RHBDF1: variants seen among roughly 807,000 people sequenced by gnomAD.
RHBDF1 encodes rhomboid 5 homolog 1, also known as inactive rhomboid protein 1.
A neutral mutation model predicts 98.6 loss-of-function variants in RHBDF1; 80 were observed. The ratio of observed to expected loss-of-function variants is 0.81; its 90% CI spans 0.68 to 0.98. RHBDF1 has a LOEUF of 0.98. Ranked by LOEUF, RHBDF1 falls within the 50% of genes least tolerant of loss-of-function variation. RHBDF1 has a pLI of 0.00. For synonymous variants in RHBDF1, 512 were observed against 486.8 expected, an observed-to-expected ratio of 1.05 and a Z score of -0.68; for missense variants, 1,116 against 1,198.3, an observed-to-expected ratio of 0.93 and a Z score of 1.01.
In RHBDF1 at chr16:58,595, G is replaced by A. The variant is rs1228557232; in HGVS notation, c.2313C>T (p.Ala771=). 1.9e-6 allele frequency: 3 copies of A among 1,613,788 alleles called. No individual in the cohort carries two copies. Among genetic ancestry groups the A allele is most frequent in the Non-Finnish European group, 2.5e-6 (3 of 1,179,986 alleles). Residue 771 remains alanine (A), a synonymous_variant, in exon 18 of 18, where the codon GCC becomes GCT. Transcript: ENST00000262316. ...GGCCACTGATGAACCCTGAGATGTG[G>A]GCAAAGTTGTCAATCCACGGCAGCA... ...FGLLPWIDNF[A]HISGFISGLF...
In RHBDF1 at chr16:63,781, C is replaced by T; in HGVS notation, c.268G>A (p.Gly90Arg). ...TIRRGTADWFGVSKDSDSTQK... is the reference protein window; with the variant it reads ...TIRRGTADWFRVSKDSDSTQK... ...GTGCTGTCACTGTCCTTGCTCACTC[C>T]AAACCAGTCGGCGGTCCCCCTGGCA... Residue 90 changes from glycine to arginine, a missense_variant, in exon 4 of 18, where the codon GGA (glycine) becomes AGA (arginine). By Grantham distance (125) the Gly-to-Arg change is moderately radical. Coordinates refer to ENST00000262316, the MANE Select transcript of RHBDF1 (RefSeq NM_022450.5). The T allele has an allele frequency of 6.2e-7, 1 of 1,613,686 alleles. No individual in the cohort carries two copies. Among genetic ancestry groups the T allele is most frequent in the Non-Finnish European group, 8.5e-7 (1 of 1,179,784 alleles).
chr16:68,022 G>A (rs988304483), intron 1 of RHBDF1, among the ~76,000 whole-genome samples: 1 of 151,916 alleles, frequency 6.6e-6, no homozygotes, highest in Non-Finnish European at 1.5e-5. Flanking sequence ...TGTCTCAGCC[G>A]GGGACCACAG....
At chr16:68,860 C>A (rs2141866157) in intron 1 of RHBDF1, among the ~76,000 whole-genome samples, 1 of 152,292 alleles carries the variant, frequency 6.6e-6, no homozygotes, top group Non-Finnish European at 1.5e-5. Flanking sequence ...TGGCCGCGTG[C>A]ACAGGTGCAG....
Position 64,608 on chromosome 16 carries a change from C to T in RHBDF1, c.248+91G>A, listed in dbSNP as rs543711018. On this transcript the variant is annotated intron_variant, in intron 3 of 17. Transcript: ENST00000262316. ...GGAGGAGGAAGCTGAAACAAGAGGG[C>T]CCTTGTTCTCATTTCCATCCTCTGT... The T allele has an allele frequency of 6.0e-5, 92 of 1,545,220 alleles. No homozygotes were observed. In the African/African-American group the frequency reaches 1.1e-3, roughly 19 times the overall value.
intron 1 of RHBDF1, among the ~76,000 whole-genome samples, chr16:67,513 C>T (rs1187792688): frequency 6.6e-6 from 1 of 152,196 alleles, no homozygotes; most frequent in Non-Finnish European, 1.5e-5. Flanking sequence ...ACATCCATGA[C>T]TTCCCTGGCT....
intron 13 of RHBDF1, 41 bp from the exon 14 acceptor site, chr16:59,867 C>T: frequency 6.2e-7 from 1 of 1,613,496 alleles, no homozygotes; most frequent in East Asian, 2.2e-5. Context: ...GGGCCTCCCC[C>T]AACCTTTGGC....
chr16:62,027 G>C lies in RHBDF1; in HGVS notation c.979C>G (p.Gln327Glu), dbSNP rs935065111. ...TGCGGGGCTGCGGCGCCCTCCTTCT[G>C]CTTCCGCCAGCCTCGCTCCAAGGGC... The part of the protein sequence containing the change: ...MLPLERGWRK[Q>E]KEGAAAPQPK... The change falls in exon 8 of 18, where the codon CAG becomes GAG. Residue 327 changes from glutamine to glutamate, a missense_variant. Physicochemically the swap from Gln to Glu is conservative, Grantham distance 29. Coordinates refer to ENST00000262316, the MANE Select transcript of RHBDF1 (RefSeq NM_022450.5). 6.6e-7 allele frequency: 1 copy of C among 1,512,290 alleles called. No homozygotes were observed. The highest frequency in any genetic ancestry group is 8.8e-7 in the Non-Finnish European group (1 of 1,134,978). The allele number at this position is 1,512,290 out of a possible 1,614,324, so 93.7% of individuals were successfully genotyped here.
upstream of RHBDF1, chr16:73,844 G>A (rs559579375): frequency 1.1e-5 from 8 of 756,224 alleles, no homozygotes; most frequent in South Asian, 5.9e-5. Context: ...TTGAGGGCCC[G>A]ACGCAGACAA....
chr16:62,184 C>A, intron 7 of RHBDF1, 132 bp from the exon 8 acceptor site: 1 of 1,303,412 alleles, frequency 7.7e-7, no homozygotes, highest in Non-Finnish European at 1.0e-6. Context: ...CTGCCTTCTC[C>A]TTGCCAGTAA....
upstream of RHBDF1, among the ~76,000 whole-genome samples, chr16:75,897 C>T (rs1245112819): frequency 3.3e-5 from 5 of 152,304 alleles, no homozygotes; most frequent in South Asian, 2.1e-4. Context: ...AGAGAGAAGA[C>T]GGAGCCAGTG....
chr16:61,031 G>A, intron 11 of RHBDF1, 89 bp downstream of exon 11: 1 of 1,396,870 alleles, frequency 7.2e-7, no homozygotes, highest in Non-Finnish European at 9.6e-7. Context: ...CAGGAACGAG[G>A]GCGAAGGATC....
At position 61,393 on chromosome 16, in the gene RHBDF1, GC is replaced by G; in HGVS notation, c.1386del (p.Ser464AlafsTer63). ...KYVQQENFWI[G>X]PSSEALIHLG... ...CCCAGCCCCGTCCTCACCGAGCTGG[GC>G]CCGATCCAGAAGTTCTCCTGCTGCA... On this transcript the variant is annotated frameshift_variant, in exon 10 of 18. Transcript: ENST00000262316. LOFTEE classifies it high-confidence loss of function. 6.2e-7 allele frequency: 1 copy of G among 1,610,174 alleles called. No homozygotes were observed. Among genetic ancestry groups the G allele is most frequent in the Non-Finnish European group, 8.5e-7 (1 of 1,178,986 alleles).
chr16:74,042 T>C (rs1002365557), upstream of RHBDF1: 26 of 650,648 alleles, frequency 4.0e-5, no homozygotes, highest in African/African-American at 5.1e-4. Context: ...AATTCTCATG[T>C]AGAAGGAGAC....
rs1276962490 is a variant in RHBDF1, at chr16:58,702, G to A, written c.2206C>T (p.Gln736Ter). ...ILACLFVELF[Q>*]SWQILARPWR... ...GGCCGCGCCAGGATCTGCCAGCTCT[G>A]GAAGAGCTCCACGAAGAGGCAGGCC... The change falls in exon 18 of 18, where the codon CAG becomes TAG. Residue 736 changes from glutamine to a stop codon, truncating the protein, a stop_gained. Coordinates refer to ENST00000262316, the MANE Select transcript of RHBDF1 (RefSeq NM_022450.5). LOFTEE classifies it high-confidence loss of function. 6.2e-7 allele frequency: 1 copy of A among 1,613,044 alleles called. No homozygotes were observed. The highest frequency in any genetic ancestry group is 2.2e-5 in the East Asian group (1 of 44,880).
intron 1 of RHBDF1, among the ~76,000 whole-genome samples, chr16:70,934 A>G (rs1012913473): frequency 5.9e-5 from 9 of 152,390 alleles, no homozygotes; most frequent in Non-Finnish European, 1.2e-4. Flanking sequence ...GCAGAAGCCA[A>G]GGAATCCAAT....
In RHBDF1 at chr16:61,918, A is replaced by C; in HGVS notation, c.1088T>G (p.Leu363Arg). 7 of 1,602,602 alleles carry C rather than the reference A, an allele frequency of 4.4e-6. No homozygotes were observed. The highest frequency in any genetic ancestry group is 5.9e-6 in the Non-Finnish European group (7 of 1,179,562). ...GQRIAVPVRK[L>R]FAREKRPYGL... ...ATACGGCCGCTTCTCCCGGGCGAAGAGCTTGCGCACCGGCACCGCGATACG... is the reference window on the plus strand; with the variant it reads ...ATACGGCCGCTTCTCCCGGGCGAAGCGCTTGCGCACCGGCACCGCGATACG... The change falls in exon 8 of 18, where the codon CTC becomes CGC. Residue 363 changes from leucine (L) to arginine (R), a missense_variant. Coordinates refer to ENST00000262316, the MANE Select transcript of RHBDF1 (RefSeq NM_022450.5).
intron 1 of RHBDF1, among the ~76,000 whole-genome samples, chr16:68,679 C>T (rs1468969785): frequency 6.6e-6 from 1 of 152,126 alleles, no homozygotes; most frequent in Non-Finnish European, 1.5e-5. Context: ...GCGGGCAGGA[C>T]TCTCGATGAG....
In RHBDF1 at chr16:61,987, A is replaced by C. The variant is rs755971252; in HGVS notation, c.1019T>G (p.Leu340Arg). The C allele has an allele frequency of 6.3e-7, 1 of 1,579,182 alleles. No homozygotes were observed. Among genetic ancestry groups the C allele is most frequent in the Non-Finnish European group, 8.5e-7 (1 of 1,169,798 alleles). ...CGCGGTGCTCACCACCTCCTGTCGG[A>C]GCCGCACCTTGGGCTGCGGGGCTGC... ...GAAAPQPKVR[L>R]RQEVVSTAGP... Residue 340 changes from leucine to arginine, a missense_variant, in exon 8 of 18, where the codon CTC becomes CGC. Physicochemically the swap from Leu to Arg is moderately radical, Grantham distance 102. Transcript: ENST00000262316.
chr16:61,943 G>T lies in RHBDF1; in HGVS notation c.1063C>A (p.Arg355Ser), dbSNP rs779265495. The stretch of plus-strand genomic sequence containing the variant: ...AGCTTGCGCACCGGCACCGCGATAC[G>T]CTGGCCCCGTCGCGGCCCCGCGGTG... ...VSTAGPRRGQ[R>S]IAVPVRKLFA... Residue 355 changes from arginine to serine, a missense_variant, in exon 8 of 18, where the codon CGT becomes AGT. By Grantham distance (110) the Arg-to-Ser change is moderately radical. Coordinates refer to ENST00000262316, the MANE Select transcript of RHBDF1 (RefSeq NM_022450.5). 1 of 1,597,822 alleles carries T rather than the reference G, an allele frequency of 6.3e-7. No individual in the cohort carries two copies. Among genetic ancestry groups the T allele is most frequent in the Admixed American group, 1.7e-5 (1 of 59,892 alleles).
Sources: gnomAD v4.1 joint callset for allele counts (sites outside exome capture counted in the v4.1 genomes callset) on GRCh38, gnomAD v4.1.1 for gene constraint, MANE v1.5 for transcripts, NCBI Gene and HGNC (gene_info 2026-07-23, HGNC 2026-07-21) for gene names.